TAB2: variants seen among roughly 807,000 people sequenced by gnomAD.
The protein encoded by TAB2 is TGF-beta activated kinase 1 (MAP3K7) binding protein 2.
Under a neutral mutation model 65.0 loss-of-function variants are expected in TAB2, and 3 were observed. The ratio of observed to expected loss-of-function variants is 0.05; its 90% CI spans 0.02 to 0.12. The LOEUF (loss-of-function observed/expected upper bound fraction) is 0.12. Among genes scored for constraint, TAB2 ranks in the 10% least tolerant of loss-of-function variants. The pLI is 1.00. For synonymous variants in TAB2, 298 were observed against 285.1 expected, an observed-to-expected ratio of 1.05 and a Z score of -0.46; for missense variants, 623 against 840.3, an observed-to-expected ratio of 0.74 and a Z score of 3.20.
At chr6:149,374,441 T>G (rs1472767077) in intron 2 of TAB2, among the ~76,000 whole-genome samples, 1 of 152,134 alleles carries the variant, frequency 6.6e-6, no homozygotes, top group Non-Finnish European at 1.5e-5. Flanking sequence ...CAGTCTGGTG[T>G]CAAACTCCTG....
At chr6:149,255,277 A>T (rs1777997267) in intron 1 of TAB2, 1 of 152,398 alleles carries the variant, frequency 6.6e-6, no homozygotes, top group East Asian at 1.9e-4. Flanking sequence ...GCAAGCCAGG[A>T]AGAGGCCCTC....
At chr6:149,354,726 G>A (rs1285805854) in intron 1 of TAB2, among the ~76,000 whole-genome samples, 1 of 152,164 alleles carries the variant, frequency 6.6e-6, no homozygotes, top group African/African-American at 2.4e-5. Context: ...TCTGCACTTA[G>A]TGGTGGTAGT....
intron 1 of TAB2, among the ~76,000 whole-genome samples, chr6:149,234,935 A>C (rs552539127): frequency 1.3e-5 from 2 of 152,140 alleles, no homozygotes; most frequent in African/African-American, 4.8e-5. Context: ...AAACAAAGGC[A>C]TACCATGTAA....
At chr6:149,241,873 T>C (rs1004314802) in intron 1 of TAB2, among the ~76,000 whole-genome samples, 4 of 152,174 alleles carry the variant, frequency 2.6e-5, no homozygotes, top group Non-Finnish European at 5.9e-5. Flanking sequence ...GAACTGGACC[T>C]GAAGCCCACT....
upstream of TAB2, among the ~76,000 whole-genome samples, chr6:149,313,412 G>A (rs576871): frequency 0.2 from 30,765 of 152,014 alleles, 3,514 homozygotes; most frequent in East Asian, 0.34. Flanking sequence ...CTTGCTGACC[G>A]TGCCTTCCCT....
intron 2 of TAB2, 118 bp downstream of exon 2, chr6:149,370,217 GAT>G: frequency 1.0e-6 from 1 of 986,986 alleles, no homozygotes; most frequent in Admixed American, 2.0e-5. Context: ...GATGAAAAGA[GAT>G]AAGCTTTGGT....
In TAB2 at chr6:149,410,531, TAAA is replaced by T. The variant is rs1243003699; in HGVS notation, c.*816_*818del. The stretch of plus-strand genomic sequence containing the variant: ...ACCTGAGAGGAACAATGCCTTAAAA[TAAA>T]AAAGCATTAATGAGATGAAAGTATG... On this transcript the variant is annotated 3_prime_UTR_variant, in exon 7 of 7. Transcript: ENST00000637181. The T allele has an allele frequency of 2.0e-5, 3 of 152,348 alleles. No homozygotes were observed. The highest frequency in any genetic ancestry group is 2.0e-4 in the Admixed American group (3 of 15,266). 9.4% of individuals were successfully genotyped at this position (152,348 alleles called of 1,614,324 possible). A position where few individuals can be genotyped will look rare whatever the true frequency, so the allele number is the denominator to read the frequency against.
chr6:149,370,128 T>TA, intron 2 of TAB2, 29 bp downstream of exon 2: 1 of 1,573,482 alleles, frequency 6.4e-7, no homozygotes. Context: ...CTGAATTTGT[T>TA]AATACAAACC....
chr6:149,350,384 A>T (rs898461441), intron 1 of TAB2, among the ~76,000 whole-genome samples: 2 of 152,194 alleles, frequency 1.3e-5, no homozygotes, highest in African/African-American at 2.4e-5. Flanking sequence ...CTTTTATGAG[A>T]TAACTTCCTA....
At chr6:149,230,144 A>G (rs990751321) in intron 1 of TAB2, 2 of 152,234 alleles carry the variant, frequency 1.3e-5, no homozygotes, top group African/African-American at 4.8e-5. Context: ...AACTGATAAA[A>G]TTAAACAAAG....
intron 3 of TAB2, among the ~76,000 whole-genome samples, chr6:149,389,905 A>G (rs189420733): frequency 7.2e-5 from 11 of 152,328 alleles, no homozygotes; most frequent in Non-Finnish European, 1.3e-4. Context: ...ACTAAAATTC[A>G]TCTCTTAGTA....
At chr6:149,220,497 T>C (rs1777119691) in intron 1 of TAB2, among the ~76,000 whole-genome samples, 1 of 152,206 alleles carries the variant, frequency 6.6e-6, no homozygotes, top group Non-Finnish European at 1.5e-5. Flanking sequence ...TGTTGGCATA[T>C]TGTATTATAT....
At chr6:149,400,350 C>G in intron 6 of TAB2, 1 of 1,600,924 alleles carries the variant, frequency 6.2e-7, no homozygotes, top group Non-Finnish European at 8.5e-7. Flanking sequence ...GACCCGCCAC[C>G]TCTTTTGTGA....
chr6:149,389,758 CT>C (rs769942904), intron 3 of TAB2, among the ~76,000 whole-genome samples: 8 of 151,808 alleles, frequency 5.3e-5, no homozygotes, highest in Non-Finnish European at 1.0e-4. Context: ...GCATCTAGGC[CT>C]GTTTTCATTC....
chr6:149,270,289 T>A (rs533284398), intron 1 of TAB2, among the ~76,000 whole-genome samples: 1 of 152,348 alleles, frequency 6.6e-6, no homozygotes, highest in South Asian at 2.1e-4. Context: ...AACTGGGCTC[T>A]ATGGTTTTCC....
intron 1 of TAB2, chr6:149,243,258 C>A (rs1163271577): frequency 6.6e-6 from 1 of 152,156 alleles, no homozygotes; most frequent in East Asian, 1.9e-4. Context: ...TGGCTTTGGG[C>A]AGGCTCTTCA....
intron 1 of TAB2, among the ~76,000 whole-genome samples, chr6:149,254,097 GGAA>G (rs56390026): frequency 0.14 from 19,391 of 142,730 alleles, 1,815 homozygotes; most frequent in East Asian, 0.25. Flanking sequence ...AAGGAAGGAA[GGAA>G]GGAAGGAAGG....
chr6:149,314,330 T>C (rs1779213520), upstream of TAB2, among the ~76,000 whole-genome samples: 1 of 152,216 alleles, frequency 6.6e-6, no homozygotes, highest in Non-Finnish European at 1.5e-5. Flanking sequence ...CTTTATAAAC[T>C]TCCTAATGCC....
chr6:149,296,650 A>G (rs542303699), intron 1 of TAB2, among the ~76,000 whole-genome samples: 1 of 152,338 alleles, frequency 6.6e-6, no homozygotes, highest in African/African-American at 2.4e-5. Flanking sequence ...TATTAAAGAA[A>G]ATGGGTGTTA....
Sources: allele counts gnomAD v4.1 joint callset (sites outside exome capture counted in the v4.1 genomes callset), GRCh38; gene constraint gnomAD v4.1.1; transcripts MANE v1.5; gene names NCBI Gene and HGNC (gene_info 2026-07-23, HGNC 2026-07-21).